PCDH15: variants seen among roughly 807,000 people sequenced by gnomAD.
PCDH15 encodes the protein protocadherin-15.
Under a neutral mutation model 178.5 loss-of-function variants are expected in PCDH15, and 129 were observed. That is an observed-to-expected ratio of 0.72 (90% CI 0.63 to 0.84). PCDH15 has a LOEUF of 0.84. PCDH15 is among the 40% of genes least tolerant of loss of function. The probability of loss-of-function intolerance (pLI) is 0.00; values close to 1 mark genes in which losing one functional copy is unlikely to be tolerated. For synonymous variants in PCDH15, 800 were observed against 732.0 expected (o/e 1.09, Z -1.50); for missense variants, 2,230 against 2,099.9 (o/e 1.06, Z -1.21).
chr10:55,041,584 T>C (rs35161527), intron 2 of PCDH15, among the ~76,000 whole-genome samples: 11,458 of 152,126 alleles, frequency 0.075, 685 homozygotes, highest in African/African-American at 0.16. Flanking sequence ...GAATTATAAA[T>C]GTTTAAGAAT....
intron 2 of PCDH15, among the ~76,000 whole-genome samples, chr10:54,559,182 T>C (rs535175553): frequency 6.6e-6 from 1 of 152,212 alleles, no homozygotes; most frequent in East Asian, 1.9e-4. Flanking sequence ...ATGTAACATA[T>C]GAGAATTAAA....
chr10:53,933,681 A>G (rs1226282087), intron 25 of PCDH15, among the ~76,000 whole-genome samples: 1 of 152,276 alleles, frequency 6.6e-6, no homozygotes, highest in Non-Finnish European at 1.5e-5. Flanking sequence ...TCCTTTGGGT[A>G]TATACCCAGT....
At chr10:55,015,157 A>G (rs1166111545) in intron 2 of PCDH15, among the ~76,000 whole-genome samples, 3 of 152,090 alleles carry the variant, frequency 2.0e-5, no homozygotes, top group Non-Finnish European at 4.4e-5. Context: ...GCTACCTGGG[A>G]GGCTGAGGTT....
chr10:54,920,825 G>A (rs1022829928), intron 2 of PCDH15, among the ~76,000 whole-genome samples: 4 of 152,126 alleles, frequency 2.6e-5, no homozygotes, highest in Admixed American at 1.3e-4. Flanking sequence ...CCAAACAAGA[G>A]GCAGTTGAAA....
At chr10:54,105,147 G>C (rs1455678997) in intron 15 of PCDH15, among the ~76,000 whole-genome samples, 1 of 150,912 alleles carries the variant, frequency 6.6e-6, no homozygotes, top group Non-Finnish European at 1.5e-5. Flanking sequence ...CAAAACCAAT[G>C]AAAGAACTCC....
chr10:53,972,835 TG>T (rs2089848959), intron 21 of PCDH15, among the ~76,000 whole-genome samples: 1 of 152,152 alleles, frequency 6.6e-6, no homozygotes, highest in South Asian at 2.1e-4. Flanking sequence ...ACTTTTACAC[TG>T]TTGGTGGGAC....
At chr10:54,152,686 G>A (rs73245418) in intron 14 of PCDH15, among the ~76,000 whole-genome samples, 1 of 148,630 alleles carries the variant, frequency 6.7e-6, no homozygotes, top group East Asian at 2.0e-4. Context: ...TTAGCTTGCT[G>A]TGTGTGTGTG....
intron 25 of PCDH15, among the ~76,000 whole-genome samples, chr10:53,936,951 A>T (rs190783041): frequency 6.6e-6 from 1 of 152,282 alleles, no homozygotes; most frequent in Non-Finnish European, 1.5e-5. Context: ...AATGAGATTG[A>T]ATTAGAAATA....
At chr10:53,827,770 AG>A (rs942689289) in intron 31 of PCDH15, among the ~76,000 whole-genome samples, 2 of 152,158 alleles carry the variant, frequency 1.3e-5, no homozygotes, top group Non-Finnish European at 2.9e-5. Context: ...CTCTTGAATA[AG>A]GGGTAGAATT....
At chr10:55,038,375 T>A (rs1402661427) in intron 2 of PCDH15, among the ~76,000 whole-genome samples, 1 of 152,176 alleles carries the variant, frequency 6.6e-6, no homozygotes, top group African/African-American at 2.4e-5. Context: ...AAATCTTAGT[T>A]CCTATTTTGA....
At chr10:54,516,432 ATG>A (rs2082227327) in intron 3 of PCDH15, among the ~76,000 whole-genome samples, 1 of 152,094 alleles carries the variant, frequency 6.6e-6, no homozygotes, top group Non-Finnish European at 1.5e-5. Flanking sequence ...TCAGGAGCCG[ATG>A]AGATCAACTG....
At chr10:55,574,800 G>A (rs879933340) in intron 2 of PCDH15, among the ~76,000 whole-genome samples, 1 of 151,772 alleles carries the variant, frequency 6.6e-6, no homozygotes, top group Non-Finnish European at 1.5e-5. Flanking sequence ...ACTCTATGAG[G>A]GTGGATATTA....
In PCDH15 at chr10:54,429,422, AG is replaced by A. The variant is rs531066157; in HGVS notation, c.158-50481del. On this transcript the variant is annotated intron_variant, in intron 3 of 37. Transcript: ENST00000644397. ...TTGTAAGAAAGGAAGAAGGAAGTGA[AG>A]ACCACAAAATCATCAGAAAACAAAC... 9.2e-5 allele frequency among the ~76,000 whole-genome samples: 14 copies of A among 152,344 alleles called. No homozygotes were observed. The South Asian group carries it at 2.9e-3, about 32-fold the overall frequency.
chr10:55,486,168 A>T (rs1031419463), intron 2 of PCDH15, among the ~76,000 whole-genome samples: 2 of 151,672 alleles, frequency 1.3e-5, no homozygotes, highest in Non-Finnish European at 3.0e-5. Flanking sequence ...GAATACAATG[A>T]CGACCATTTC....
At chr10:55,587,176 T>C (rs1416793264) in intron 2 of PCDH15, among the ~76,000 whole-genome samples, 2 of 152,140 alleles carry the variant, frequency 1.3e-5, no homozygotes, top group African/African-American at 4.8e-5. Context: ...ATACATGTTA[T>C]ACAAGAGAAG....
At chr10:55,225,631 GTGTT>G (rs931553655) in intron 1 of PCDH15, among the ~76,000 whole-genome samples, 4 of 146,808 alleles carry the variant, frequency 2.7e-5, no homozygotes, top group East Asian at 2.0e-4. Context: ...ATGTGTGTGT[GTGTT>G]TGTGTGTGTG....
At chr10:54,177,821 A>G (rs977841377) in intron 13 of PCDH15, among the ~76,000 whole-genome samples, 14 of 152,162 alleles carry the variant, frequency 9.2e-5, no homozygotes, top group Non-Finnish European at 1.5e-5. Context: ...GTGTTTGTTT[A>G]TTAAAATAAA....
intron 1 of PCDH15, among the ~76,000 whole-genome samples, chr10:54,664,881 T>C (rs979089325): frequency 6.6e-6 from 1 of 151,176 alleles, no homozygotes; most frequent in Admixed American, 6.6e-5. Flanking sequence ...TTTAATTCTC[T>C]TGTTTTACTT....
At chr10:54,076,145 T>C (rs560648185) in intron 17 of PCDH15, among the ~76,000 whole-genome samples, 1 of 152,138 alleles carries the variant, frequency 6.6e-6, no homozygotes, top group Admixed American at 6.5e-5. Flanking sequence ...CCAAAATGTT[T>C]TGTAGTTTTC....
Sources: gnomAD v4.1 joint callset for allele counts (sites outside exome capture counted in the v4.1 genomes callset) on GRCh38, gnomAD v4.1.1 for gene constraint, MANE v1.5 for transcripts, NCBI Gene and HGNC (gene_info 2026-07-23, HGNC 2026-07-21) for gene names.